SNX2: variants seen among roughly 807,000 people sequenced by gnomAD.
SNX2 encodes sorting nexin-2.
In SNX2, 25 loss-of-function variants were observed where a neutral mutation model predicts 69.9. That is an observed-to-expected ratio of 0.36 (90% CI 0.26 to 0.50). The LOEUF is 0.50. Ranked by LOEUF, SNX2 falls within the 20% of genes least tolerant of loss-of-function variation. SNX2 has a pLI of 0.97. For synonymous variants in SNX2, 229 were observed against 200.4 expected, an observed-to-expected ratio of 1.14 and a Z score of -1.20; for missense variants, 551 against 613.3, an observed-to-expected ratio of 0.90 and a Z score of 1.07.
Position 122,834,161 on chromosome 5 carries a change from T to A in SNX2, c.*4513T>A, listed in dbSNP as rs1015992499. 6.6e-6 allele frequency: 1 copy of A among 152,238 alleles called. No homozygotes were observed. The highest frequency in any genetic ancestry group is 2.4e-5 in the African/African-American group (1 of 41,468). The allele number at this position is 152,238 out of a possible 1,614,324, so 9.4% of individuals were successfully genotyped here. A position where few individuals can be genotyped will look rare whatever the true frequency, so the allele number is the denominator to read the frequency against. ...TTTTAATTATTAACATTTAGAATTC[T>A]AGGAAATCTTTTGGGATACAGAGAA... On this transcript the variant is annotated 3_prime_UTR_variant, in exon 15 of 15. Coordinates refer to ENST00000379516, the MANE Select transcript of SNX2 (RefSeq NM_003100.4).
chr5:122,820,432 A>G (rs1214837299), intron 11 of SNX2, among the ~76,000 whole-genome samples: 1 of 152,108 alleles, frequency 6.6e-6, no homozygotes, highest in African/African-American at 2.4e-5. Context: ...GCTACTCAGG[A>G]GGCTGAGGCA....
At chr5:122,795,697 A>T (rs1753361823) in intron 2 of SNX2, 1 of 188,470 alleles carries the variant, frequency 5.3e-6, no homozygotes, top group Non-Finnish European at 1.1e-5. Flanking sequence ...AGCAGTGATT[A>T]TACCTTTTTA....
chr5:122,775,017 G>A (rs1752821332), upstream of SNX2: 4 of 1,289,424 alleles, frequency 3.1e-6, no homozygotes, highest in Non-Finnish European at 4.0e-6. Context: ...GGGCGGGGAG[G>A]CTGGCGGGTC....
intron 6 of SNX2, among the ~76,000 whole-genome samples, chr5:122,806,142 G>GCGCACGCGCACACACACACACA: frequency 0.018 from 2,413 of 130,512 alleles, 22 homozygotes; most frequent in African/African-American, 0.023. Flanking sequence ...ACACGCGCGC[G>GCGCACGCGCACACACACACACA]CACACACACA....
At chr5:122,810,316 GTTT>G (rs1415710982) in intron 7 of SNX2, among the ~76,000 whole-genome samples, 1 of 139,210 alleles carries the variant, frequency 7.2e-6, no homozygotes, top group African/African-American at 2.7e-5. Flanking sequence ...TTGTTCACTT[GTTT>G]ATCTACTGAC....
In SNX2 at chr5:122,832,074, T is replaced by C. The variant is rs1754303410; in HGVS notation, c.*2426T>C. ...ATAAGTAAAACAAGAACATTAATAGTGCTAATAATATAATCTTTTCATTGG... is the reference window on the plus strand; with the variant it reads ...ATAAGTAAAACAAGAACATTAATAGCGCTAATAATATAATCTTTTCATTGG... On this transcript the variant is annotated 3_prime_UTR_variant, in exon 15 of 15. Coordinates refer to ENST00000379516, the MANE Select transcript of SNX2 (RefSeq NM_003100.4). 6.6e-6 allele frequency among the ~76,000 whole-genome samples: 1 copy of C among 152,192 alleles called. No homozygotes were observed. The highest frequency in any genetic ancestry group is 2.4e-5 in the African/African-American group (1 of 41,462).
intron 8 of SNX2, among the ~76,000 whole-genome samples, chr5:122,816,258 A>G (rs924764800): frequency 3.9e-5 from 6 of 151,990 alleles, no homozygotes; most frequent in Non-Finnish European, 8.8e-5. Context: ...CTCAGGCATC[A>G]TGTTGAAATA....
Position 122,826,143 on chromosome 5 carries a change from G to T in SNX2, c.1306G>T (p.Val436Phe). The change falls in exon 12 of 15, where the codon GTT becomes TTT. Residue 436 changes from valine (V) to phenylalanine (F), a missense_variant. Coordinates refer to ENST00000379516, the MANE Select transcript of SNX2 (RefSeq NM_003100.4). Reference sequence around the variant, plus strand: ...ACGTGAAGCTGAAGCAAAAATGATGGTTGCTAACAAACCAGATAAAATACA... The same window carrying T: ...ACGTGAAGCTGAAGCAAAAATGATGTTTGCTAACAAACCAGATAAAATACA... ...KKREAEAKMM[V>F]ANKPDKIQQA... 1 of 1,613,026 alleles carries T rather than the reference G, an allele frequency of 6.2e-7. No individual in the cohort carries two copies. The highest frequency in any genetic ancestry group is 8.5e-7 in the Non-Finnish European group (1 of 1,179,334).
intron 11 of SNX2, among the ~76,000 whole-genome samples, chr5:122,821,486 C>T (rs560340095): frequency 3.3e-5 from 5 of 149,800 alleles, no homozygotes; most frequent in Admixed American, 6.6e-5. Context: ...GACGGAGACT[C>T]GCTCTGTCGC....
At chr5:122,827,499 C>T in intron 13 of SNX2, 40 bp downstream of exon 13, 1 of 1,601,654 alleles carries the variant, frequency 6.2e-7, no homozygotes. Context: ...ACAACATGGT[C>T]ACATTTTGCT....
chr5:122,821,925 AG>A (rs34076359), intron 11 of SNX2, among the ~76,000 whole-genome samples: 30,928 of 152,078 alleles, frequency 0.2, 3,568 homozygotes, highest in East Asian at 0.46. Context: ...AATTTCAATA[AG>A]TATTGCCAAA....
At position 122,834,477 on chromosome 5, in the gene SNX2, T is replaced by A. The variant is rs1421006288; in HGVS notation, c.*4829T>A. The A allele has an allele frequency of 6.6e-6, 1 of 152,148 alleles. No homozygotes were observed. The highest frequency in any genetic ancestry group is 1.5e-5 in the Non-Finnish European group (1 of 67,980). 9.4% of individuals were successfully genotyped at this position (152,148 alleles called of 1,614,324 possible). On this transcript the variant is annotated 3_prime_UTR_variant, in exon 15 of 15. Transcript: ENST00000379516. ...CCGTTTTAAGAGAGTTGAGAAAAAA[T>A]AAAGTTCTATTTTAAATTTATACAT...
In SNX2 at chr5:122,818,839, C is replaced by T. The variant is rs1753956455; in HGVS notation, c.1028C>T (p.Ala343Val). ...HRKELSANTAAFAKSAAMLGN... is the reference protein window; with the variant it reads ...HRKELSANTAVFAKSAAMLGN... Reference sequence around the variant, plus strand: ...TCAGAACTTTCAGCCAACACAGCTGCCTTTGCTAAAAGTGCTGCCATGTTA... The same window carrying T: ...TCAGAACTTTCAGCCAACACAGCTGTCTTTGCTAAAAGTGCTGCCATGTTA... Residue 343 changes from alanine to valine, a missense_variant, in exon 11 of 15, where the codon GCC becomes GTC. Ala to Val is a moderately conservative substitution (Grantham distance 64). Around this residue, in one of 2 missense-constraint regions of SNX2, gnomAD observed 360 missense variants for 450.4 expected, o/e 0.80. Coordinates refer to ENST00000379516, the MANE Select transcript of SNX2 (RefSeq NM_003100.4). 1 of 1,613,280 alleles carries T rather than the reference C, an allele frequency of 6.2e-7. No homozygotes were observed.
Position 122,809,425 on chromosome 5 carries a change from A to G in SNX2, c.722+1070A>G, listed in dbSNP as rs529039491. Among the ~76,000 whole-genome samples, 215 of 152,336 alleles carry G rather than the reference A, an allele frequency of 1.4e-3. 1 individual carries two copies. The highest frequency in any genetic ancestry group is 2.5e-3 in the Non-Finnish European group (168 of 68,024). On this transcript the variant is annotated intron_variant, in intron 7 of 14. Transcript: ENST00000379516. ...TTTGAAGACTTGTCTTCCTTGAAGCAGACTAAAAGGGGGACAGATGGGAGG... is the reference window on the plus strand; with the variant it reads ...TTTGAAGACTTGTCTTCCTTGAAGCGGACTAAAAGGGGGACAGATGGGAGG...
chr5:122,818,927 G>A lies in SNX2; in HGVS notation c.1116G>A (p.Glu372=). 6.2e-7 allele frequency: 1 copy of A among 1,613,920 alleles called. No individual in the cohort carries two copies. Among genetic ancestry groups the A allele is most frequent in the Admixed American group, 1.7e-5 (1 of 60,028 alleles). ...TGTCTCAGCTTGCAGAGGTTGAGGA[G>A]AAGATAGACCAGTTACATCAAGAAC... is the stretch of plus-strand genomic sequence containing the variant. ...RALSQLAEVE[E]KIDQLHQEQA... The change falls in exon 11 of 15, where the codon GAG becomes GAA. Residue 372 remains glutamate, a synonymous_variant. Transcript: ENST00000379516.
intron 1 of SNX2, among the ~76,000 whole-genome samples, chr5:122,789,482 C>CAG: frequency 9.8e-6 from 1 of 101,964 alleles, no homozygotes; most frequent in Non-Finnish European, 2.0e-5. Flanking sequence ...CGGACACACA[C>CAG]ACACACACAC....
At chr5:122,784,117 G>A (rs2150000938) in intron 1 of SNX2, among the ~76,000 whole-genome samples, 1 of 151,762 alleles carries the variant, frequency 6.6e-6, no homozygotes, top group South Asian at 2.1e-4. Context: ...CACTTACTAG[G>A]TTTAGTAGGT....
At chr5:122,802,285 T>G (rs1214608520) in intron 5 of SNX2, among the ~76,000 whole-genome samples, 161 bp downstream of exon 5, 1 of 152,112 alleles carries the variant, frequency 6.6e-6, no homozygotes, top group Non-Finnish European at 1.5e-5. Context: ...TGGTTTGATA[T>G]GTAGTGTTCA....
At chr5:122,821,003 A>G (rs1754010674) in intron 11 of SNX2, among the ~76,000 whole-genome samples, 1 of 152,218 alleles carries the variant, frequency 6.6e-6, no homozygotes, top group African/African-American at 2.4e-5. Context: ...AGTTGCCTTC[A>G]GGTAAATTAA....
Sources: gnomAD v4.1 joint callset for allele counts (sites outside exome capture counted in the v4.1 genomes callset) on GRCh38, gnomAD v4.1.1 for gene constraint, gnomAD v4.1.1 regional missense constraint, MANE v1.5 for transcripts, NCBI Gene and HGNC (gene_info 2026-07-23, HGNC 2026-07-21) for gene names.